Variants in CDKAL1 observed in about 807,000 individuals in gnomAD.
The protein encoded by CDKAL1 is CDKAL1 threonylcarbamoyladenosine tRNA methylthiotransferase.
Under a neutral mutation model 68.2 loss-of-function variants are expected in CDKAL1, and 32 were observed. That is an observed-to-expected ratio of 0.47 (90% CI 0.35 to 0.63). The LOEUF (loss-of-function observed/expected upper bound fraction) is 0.63, where lower values mean the gene tolerates loss of function less well. Among genes scored for constraint, CDKAL1 ranks in the 30% least tolerant of loss-of-function variants. The pLI, the probability that CDKAL1 is intolerant of heterozygous loss-of-function variation, is 0.00. For missense variants in CDKAL1, 606 were observed against 696.7 expected (o/e 0.87, Z 1.47); for synonymous variants, 234 against 244.3 (o/e 0.96, Z 0.39).
rs992198714 is a variant in CDKAL1, at chr6:20,725,800, A to G, written c.372-13719A>G. On this transcript the variant is annotated intron_variant, in intron 5 of 15. Coordinates refer to ENST00000274695, the MANE Select transcript of CDKAL1 (RefSeq NM_017774.3). ...ACTCCGTCTAAAAAAAAAAAAAAAA[A>G]AAAAGAAAAAGTTACACTGAGGACT... 1.1e-4 allele frequency among the ~76,000 whole-genome samples: 17 copies of G among 151,652 alleles called. No homozygotes were observed. The South Asian group carries it at 1.2e-3, about 11-fold the overall frequency.
intron 9 of CDKAL1, among the ~76,000 whole-genome samples, chr6:20,892,910 C>T (rs539111907): frequency 6.6e-6 from 1 of 152,280 alleles, no homozygotes; most frequent in East Asian, 1.9e-4. Flanking sequence ...ATGAAAACCT[C>T]CTGGTCTTTC....
chr6:20,716,087 T>C (rs1008501754), intron 5 of CDKAL1, among the ~76,000 whole-genome samples: 2 of 152,200 alleles, frequency 1.3e-5, no homozygotes, highest in African/African-American at 4.8e-5. Flanking sequence ...GATAAAGAGT[T>C]ATTTGGCACT....
chr6:20,698,500 C>T (rs772894435), intron 5 of CDKAL1, among the ~76,000 whole-genome samples: 4 of 152,262 alleles, frequency 2.6e-5, no homozygotes, highest in Admixed American at 6.5e-5. Flanking sequence ...TCTTAGTCTT[C>T]TCTAGTCTGT....
intron 12 of CDKAL1, among the ~76,000 whole-genome samples, chr6:21,068,346 T>G (rs1358228199): frequency 6.6e-6 from 1 of 152,216 alleles, no homozygotes; most frequent in Non-Finnish European, 1.5e-5. Context: ...TTTTGCCTTT[T>G]ACCTTTAAAT....
intron 5 of CDKAL1, among the ~76,000 whole-genome samples, chr6:20,664,529 A>G (rs1387457343): frequency 6.6e-6 from 1 of 152,152 alleles, no homozygotes; most frequent in Non-Finnish European, 1.5e-5. Context: ...ACTGAAGGAA[A>G]AGACTTGTTT....
intron 5 of CDKAL1, among the ~76,000 whole-genome samples, chr6:20,733,494 T>A (rs979648786): frequency 1.3e-5 from 2 of 152,224 alleles, no homozygotes; most frequent in African/African-American, 4.8e-5. Flanking sequence ...ATTTGAAGCC[T>A]TTAGTGTAAA....
intron 8 of CDKAL1, among the ~76,000 whole-genome samples, chr6:20,824,714 C>T (rs1370185533): frequency 1.3e-5 from 2 of 152,132 alleles, no homozygotes; most frequent in East Asian, 3.9e-4. Context: ...CCATACTTAA[C>T]TGGTTAGAAG....
intron 8 of CDKAL1, among the ~76,000 whole-genome samples, chr6:20,786,599 G>A (rs75459629): frequency 1.4e-5 from 2 of 147,156 alleles, no homozygotes; most frequent in Non-Finnish European, 3.0e-5. Flanking sequence ...CCGGGTTCAA[G>A]CGATTCTCCT....
chr6:20,974,024 G>T (rs1467691715), intron 10 of CDKAL1, among the ~76,000 whole-genome samples: 1 of 152,206 alleles, frequency 6.6e-6, no homozygotes, highest in Non-Finnish European at 1.5e-5. Flanking sequence ...AACGTGAAGA[G>T]GATAAAACAA....
At chr6:20,741,135 C>T (rs1203669831) in intron 6 of CDKAL1, among the ~76,000 whole-genome samples, 1 of 152,040 alleles carries the variant, frequency 6.6e-6, no homozygotes, top group East Asian at 1.9e-4. Context: ...TTAGGATGTA[C>T]AGGAGATTCT....
chr6:20,555,285 T>G (rs1282735053), intron 4 of CDKAL1, among the ~76,000 whole-genome samples: 1 of 152,192 alleles, frequency 6.6e-6, no homozygotes, highest in East Asian at 1.9e-4. Flanking sequence ...TTTTGTAATA[T>G]GGGAGGTAGG....
intron 10 of CDKAL1, among the ~76,000 whole-genome samples, chr6:20,992,196 T>TATATATATATATATATATATA: frequency 7.1e-6 from 1 of 141,014 alleles, no homozygotes; most frequent in East Asian, 1.9e-4. Context: ...GTCAGCTTTT[T>TATATATATATATATATATATA]TATATATATA....
intron 7 of CDKAL1, among the ~76,000 whole-genome samples, chr6:20,762,492 T>C (rs1581530751): frequency 6.6e-6 from 1 of 152,222 alleles, no homozygotes; most frequent in East Asian, 1.9e-4. Flanking sequence ...AATAGAGAAC[T>C]GTGCCTATCA....
intron 13 of CDKAL1, among the ~76,000 whole-genome samples, chr6:21,175,439 T>G (rs1048128508): frequency 6.6e-6 from 1 of 152,242 alleles, no homozygotes; most frequent in African/African-American, 2.4e-5. Flanking sequence ...AAAGCTCATC[T>G]AGGTGACCAT....
At chr6:20,845,075 G>A (rs909093380) in intron 8 of CDKAL1, among the ~76,000 whole-genome samples, 3 of 152,214 alleles carry the variant, frequency 2.0e-5, no homozygotes, top group Non-Finnish European at 4.4e-5. Context: ...TGACTGCTGA[G>A]TACAGTGATT....
chr6:20,750,827 G>A (rs895123641), intron 6 of CDKAL1, among the ~76,000 whole-genome samples: 15 of 151,664 alleles, frequency 9.9e-5, no homozygotes, highest in African/African-American at 2.4e-5. Flanking sequence ...AGCCGGGTGT[G>A]GTGGCAGGCA....
chr6:20,709,640 GA>G (rs1196997416), intron 5 of CDKAL1, among the ~76,000 whole-genome samples: 1 of 152,046 alleles, frequency 6.6e-6, no homozygotes, highest in Non-Finnish European at 1.5e-5. Flanking sequence ...TAAGGACGTG[GA>G]TTATGTTGCA....
chr6:21,096,526 G>A (rs988235934), intron 12 of CDKAL1, among the ~76,000 whole-genome samples: 1 of 152,234 alleles, frequency 6.6e-6, no homozygotes, highest in East Asian at 1.9e-4. Flanking sequence ...AGAACTCCAG[G>A]ATACTAATTA....
At chr6:20,730,176 T>C (rs1772843801) in intron 5 of CDKAL1, among the ~76,000 whole-genome samples, 1 of 151,312 alleles carries the variant, frequency 6.6e-6, no homozygotes, top group South Asian at 2.1e-4. Context: ...AATCAAAAAG[T>C]ATCTGGGGCA....
Sources: allele counts gnomAD v4.1 joint callset (sites outside exome capture counted in the v4.1 genomes callset), GRCh38; gene constraint gnomAD v4.1.1; transcripts MANE v1.5; gene names NCBI Gene and HGNC (gene_info 2026-07-23, HGNC 2026-07-21).